Variants in FHIT observed in about 807,000 individuals in gnomAD.
FHIT encodes fragile histidine triad diadenosine triphosphatase.
A neutral mutation model predicts 17.9 loss-of-function variants in FHIT; 19 were observed. That is an observed-to-expected ratio of 1.06 (90% CI 0.74 to 1.56). FHIT has a LOEUF of 1.56. Ranked by LOEUF, FHIT falls within the 40% of genes most tolerant of loss-of-function variation. FHIT has a pLI of 0.00. For synonymous variants in FHIT, 81 were observed against 69.7 expected (o/e 1.16, Z -0.81); for missense variants, 248 against 189.2 (o/e 1.31, Z -1.82).
intron 3 of FHIT, among the ~76,000 whole-genome samples, chr3:60,931,741 G>T (rs1279656113): frequency 1.3e-5 from 2 of 152,176 alleles, no homozygotes; most frequent in Non-Finnish European, 2.9e-5. Flanking sequence ...GAAGCTGACA[G>T]TCCAGCAATT....
chr3:60,554,722 AATT>A (rs1407288871), intron 4 of FHIT, among the ~76,000 whole-genome samples: 1 of 152,220 alleles, frequency 6.6e-6, no homozygotes, highest in Non-Finnish European at 1.5e-5. Context: ...AAACCACATA[AATT>A]ATATTTTGAA....
intron 7 of FHIT, among the ~76,000 whole-genome samples, chr3:59,948,010 T>G (rs371937112): frequency 1.3e-5 from 2 of 152,304 alleles, no homozygotes; most frequent in Non-Finnish European, 2.9e-5. Flanking sequence ...TAATATTCTA[T>G]GGTATAGATG....
chr3:60,743,713 A>G (rs2042284020), intron 4 of FHIT, among the ~76,000 whole-genome samples: 1 of 152,076 alleles, frequency 6.6e-6, no homozygotes, highest in South Asian at 2.1e-4. Flanking sequence ...ATTAAGAAAA[A>G]TCTCCCTCTG....
intron 3 of FHIT, among the ~76,000 whole-genome samples, chr3:60,954,728 G>C (rs1553778226): frequency 6.6e-6 from 1 of 152,146 alleles, no homozygotes; most frequent in Non-Finnish European, 1.5e-5. Context: ...ATAATACCCA[G>C]ATAATCAAGA....
intron 7 of FHIT, among the ~76,000 whole-genome samples, chr3:60,007,617 G>A (rs1699975244): frequency 6.6e-6 from 1 of 152,118 alleles, no homozygotes; most frequent in African/African-American, 2.4e-5. Flanking sequence ...ATTAACGAGA[G>A]GAAAGCCTAA....
chr3:61,059,231 C>T (rs2034337172), intron 2 of FHIT, among the ~76,000 whole-genome samples: 1 of 152,204 alleles, frequency 6.6e-6, no homozygotes, highest in South Asian at 2.1e-4. Context: ...CACTGTCCAA[C>T]ATTTTACACA....
At chr3:60,583,474 G>T (rs1553660485) in intron 4 of FHIT, among the ~76,000 whole-genome samples, 1 of 152,022 alleles carries the variant, frequency 6.6e-6, no homozygotes, top group South Asian at 2.1e-4. Context: ...AGCCAGAGAT[G>T]ATGTGAGGAT....
chr3:60,018,527 A>G (rs1412754561), intron 5 of FHIT, among the ~76,000 whole-genome samples: 1 of 152,216 alleles, frequency 6.6e-6, no homozygotes, highest in Non-Finnish European at 1.5e-5. Context: ...TTAAGTGGCA[A>G]CATGAAGAAA....
intron 5 of FHIT, among the ~76,000 whole-genome samples, chr3:60,422,543 G>A (rs1301421417): frequency 6.6e-6 from 1 of 151,864 alleles, no homozygotes; most frequent in Non-Finnish European, 1.5e-5. Context: ...TATTGCTATT[G>A]TTGAAGGACA....
At chr3:60,103,797 T>C (rs1704292132) in intron 5 of FHIT, among the ~76,000 whole-genome samples, 1 of 152,354 alleles carries the variant, frequency 6.6e-6, no homozygotes, top group African/African-American at 2.4e-5. Context: ...TGGGATGGCA[T>C]GTCCTTCACT....
intron 5 of FHIT, among the ~76,000 whole-genome samples, chr3:60,040,686 A>G (rs1701402747): frequency 6.6e-6 from 1 of 152,120 alleles, no homozygotes; most frequent in Non-Finnish European, 1.5e-5. Flanking sequence ...ATTTAGGACT[A>G]GGGGAGAGGA....
chr3:60,457,012 A>G (rs2032140525), intron 5 of FHIT, among the ~76,000 whole-genome samples: 1 of 152,212 alleles, frequency 6.6e-6, no homozygotes, highest in Admixed American at 6.5e-5. Context: ...TGCCCAAGGT[A>G]ATTTATAGAT....
intron 2 of FHIT, among the ~76,000 whole-genome samples, chr3:61,138,523 GACACCTAAGGGAGCTCCAC>G (rs1281984747): frequency 6.6e-6 from 1 of 152,210 alleles, no homozygotes; most frequent in Non-Finnish European, 1.5e-5. Context: ...AGACTGCAAT[GACACCTAAGGGAGCTCCAC>G]ACACTGGCAC....
chr3:60,553,303 TAA>T (rs2036620490), intron 4 of FHIT: 1 of 508,658 alleles, frequency 2.0e-6, no homozygotes, highest in Admixed American at 6.4e-5. Flanking sequence ...TTGTTTTGGT[TAA>T]AGTTGTAGTT....
intron 3 of FHIT, among the ~76,000 whole-genome samples, chr3:60,862,674 A>G (rs1490470028): frequency 6.6e-6 from 1 of 151,618 alleles, no homozygotes; most frequent in Non-Finnish European, 1.5e-5. Context: ...ATATGGTGAA[A>G]CCCCCTGTCT....
chr3:59,895,102 T>A (rs1365069070), intron 8 of FHIT, among the ~76,000 whole-genome samples: 2 of 152,192 alleles, frequency 1.3e-5, no homozygotes, highest in Non-Finnish European at 2.9e-5. Context: ...GTTTCTGGCA[T>A]CTAGTGGGTA....
intron 3 of FHIT, among the ~76,000 whole-genome samples, chr3:60,871,295 A>G (rs1342966974): frequency 6.6e-6 from 1 of 152,082 alleles, no homozygotes; most frequent in Non-Finnish European, 1.5e-5. Flanking sequence ...TCTAGTGAAT[A>G]TTCTGTTCTG....
intron 5 of FHIT, among the ~76,000 whole-genome samples, chr3:60,471,627 A>T (rs2033092941): frequency 6.6e-6 from 1 of 152,118 alleles, no homozygotes; most frequent in South Asian, 2.1e-4. Flanking sequence ...TGTCTTTTCT[A>T]CCCTCTTCAG....
chr3:59,799,719 G>A (rs1024141357), intron 8 of FHIT, among the ~76,000 whole-genome samples: 2 of 152,120 alleles, frequency 1.3e-5, no homozygotes, highest in African/African-American at 2.4e-5. Flanking sequence ...CATTAACTTG[G>A]GATTCACTAT....
Sources: allele counts gnomAD v4.1 joint callset (sites outside exome capture counted in the v4.1 genomes callset), GRCh38; gene constraint gnomAD v4.1.1; transcripts MANE v1.5; gene names NCBI Gene and HGNC (gene_info 2026-07-23, HGNC 2026-07-21).